The following GSTCD variants were observed in gnomAD, a reference collection of about 807,000 sequenced individuals.
GSTCD encodes the protein glutathione S-transferase C-terminal domain containing, also known as glutathione S-transferase C-terminal domain-containing protein.
In GSTCD, 44 loss-of-function variants were observed where a neutral mutation model predicts 68.3. That is an observed-to-expected ratio of 0.64 (90% CI 0.51 to 0.83). The LOEUF (loss-of-function observed/expected upper bound fraction) is 0.83, where lower values mean the gene tolerates loss of function less well. Ranked by LOEUF, GSTCD falls within the 40% of genes least tolerant of loss-of-function variation. GSTCD has a pLI of 0.00. For synonymous variants in GSTCD, 273 were observed against 255.2 expected (o/e 1.07, Z -0.67); for missense variants, 739 against 735.9 (o/e 1.00, Z -0.05).
intron 5 of GSTCD, among the ~76,000 whole-genome samples, chr4:105,732,198 G>A (rs1733269877): frequency 1.3e-5 from 2 of 152,186 alleles, no homozygotes. Flanking sequence ...GGATGATGCT[G>A]GCCTCATAAA....
intron 5 of GSTCD, among the ~76,000 whole-genome samples, chr4:105,794,731 A>G (rs1048746672): frequency 6.6e-6 from 1 of 151,880 alleles, no homozygotes; most frequent in African/African-American, 2.4e-5. Context: ...TATGAAATAA[A>G]CTTACTGGAG....
chr4:105,716,215 A>G (rs1047955104), intron 1 of GSTCD, among the ~76,000 whole-genome samples: 1 of 152,232 alleles, frequency 6.6e-6, no homozygotes, highest in Non-Finnish European at 1.5e-5. Flanking sequence ...GCTAGGAAGA[A>G]AAAACATAGA....
At chr4:105,785,241 A>T (rs1437621499) in intron 5 of GSTCD, among the ~76,000 whole-genome samples, 1 of 152,226 alleles carries the variant, frequency 6.6e-6, no homozygotes, top group Non-Finnish European at 1.5e-5. Context: ...CATTTTTAAA[A>T]CAAACTAATA....
At chr4:105,740,197 A>G (rs1733588062) in intron 5 of GSTCD, among the ~76,000 whole-genome samples, 1 of 151,996 alleles carries the variant, frequency 6.6e-6, no homozygotes, top group Non-Finnish European at 1.5e-5. Context: ...TCTCTGTGGG[A>G]TGACAGCTAT....
At chr4:105,783,360 A>G in intron 5 of GSTCD, among the ~76,000 whole-genome samples, 1 of 152,194 alleles carries the variant, frequency 6.6e-6, no homozygotes, top group East Asian at 1.9e-4. Flanking sequence ...TTCTGAAACT[A>G]AACTTCCTGA....
intron 11 of GSTCD, 75 bp downstream of exon 11, chr4:105,842,209 T>C: frequency 1.7e-6 from 2 of 1,193,784 alleles, no homozygotes; most frequent in Non-Finnish European, 2.5e-6. Context: ...CAAGTCTATA[T>C]GGGAAAAATT....
At chr4:105,833,342 A>G (rs1723978070) in intron 8 of GSTCD, among the ~76,000 whole-genome samples, 1 of 152,084 alleles carries the variant, frequency 6.6e-6, no homozygotes, top group South Asian at 2.1e-4. Flanking sequence ...CACATGCTGT[A>G]ATCCCAGCTA....
chr4:105,744,817 G>A (rs1001424985), intron 5 of GSTCD, among the ~76,000 whole-genome samples: 1 of 152,176 alleles, frequency 6.6e-6, no homozygotes. Context: ...AGAGCAGTAA[G>A]TATGCTCATT....
intron 5 of GSTCD, among the ~76,000 whole-genome samples, chr4:105,730,686 G>C (rs1733205841): frequency 6.6e-6 from 1 of 152,130 alleles, no homozygotes; most frequent in Admixed American, 6.5e-5. Flanking sequence ...CTCCCATTCT[G>C]TAGGTTGCCT....
At chr4:105,752,805 A>C (rs900153311) in intron 5 of GSTCD, among the ~76,000 whole-genome samples, 7 of 152,206 alleles carry the variant, frequency 4.6e-5, no homozygotes, top group African/African-American at 1.7e-4. Flanking sequence ...TTAAGTATTA[A>C]TATGTTTCAG....
At chr4:105,816,639 G>A (rs2553458) in intron 5 of GSTCD, among the ~76,000 whole-genome samples, 92,724 of 151,948 alleles carry the variant, frequency 0.61, 33,857 homozygotes, top group East Asian at 0.9. Flanking sequence ...AATTACTAGG[G>A]AATCACTCAT....
intron 5 of GSTCD, among the ~76,000 whole-genome samples, chr4:105,756,597 TATATA>T (rs1247582444): frequency 1.5e-4 from 22 of 150,490 alleles, no homozygotes; most frequent in African/African-American, 4.6e-4. Context: ...TATATATATA[TATATA>T]ATATGTCTTA....
At chr4:105,733,215 G>A (rs924925990) in intron 5 of GSTCD, among the ~76,000 whole-genome samples, 10 of 152,034 alleles carry the variant, frequency 6.6e-5, no homozygotes, top group Non-Finnish European at 1.5e-4. Context: ...TGCTTGGTGT[G>A]GAGCTGAGTT....
At chr4:105,711,905 T>C (rs1732550770) in intron 1 of GSTCD, among the ~76,000 whole-genome samples, 1 of 152,240 alleles carries the variant, frequency 6.6e-6, no homozygotes, top group Non-Finnish European at 1.5e-5. Flanking sequence ...TTGCTTTATT[T>C]ATGAGTTTGG....
intron 5 of GSTCD, among the ~76,000 whole-genome samples, chr4:105,748,233 C>G (rs572336838): frequency 7.9e-5 from 12 of 151,432 alleles, no homozygotes; most frequent in African/African-American, 2.9e-4. Flanking sequence ...CTAGCCTGGG[C>G]GACAGAGTGA....
chr4:105,726,776 G>C lies in GSTCD; in HGVS notation c.1092G>C (p.Glu364Asp). ...TATGTGAAGTCCCAGGTGTAGAAGA[G>C]CAAAGCGATCCTTTATTTATAGGAG... ...PNLCEVPGVE[E>D]QSDPLFIGGP... Residue 364 changes from glutamate (E) to aspartate (D), a missense_variant, in exon 4 of 12, where the codon GAG becomes GAC. Physicochemically the swap from Glu to Asp is conservative, Grantham distance 45. Transcript: ENST00000515279. The C allele has an allele frequency of 6.2e-7, 1 of 1,613,642 alleles. No homozygotes were observed. Among genetic ancestry groups the C allele is most frequent in the African/African-American group, 1.3e-5 (1 of 74,994 alleles).
Position 105,719,158 on chromosome 4 carries a change from A to G in GSTCD, c.525A>G (p.Glu175=), listed in dbSNP as rs1732775727. 3 of 1,614,146 alleles carry G rather than the reference A, an allele frequency of 1.9e-6. No individual in the cohort carries two copies. In the East Asian group the frequency reaches 6.7e-5, roughly 36 times the overall value. ...SSDQPPTIPV[E]ILQLEKKLSE... is the part of the protein sequence containing the mutation. The stretch of plus-strand genomic sequence containing the variant: ...ACCAGCCCCCAACTATACCTGTAGA[A>G]ATACTACAGCTAGAGAAAAAGCTTA... Residue 175 remains glutamate, a synonymous_variant, in exon 3 of 12, where the codon GAA becomes GAG. Transcript: ENST00000515279.
chr4:105,766,106 C>A (rs183627406), intron 5 of GSTCD, among the ~76,000 whole-genome samples: 1 of 152,008 alleles, frequency 6.6e-6, no homozygotes, highest in African/African-American at 2.4e-5. Flanking sequence ...TAATTTAATA[C>A]GGGATATTAA....
At chr4:105,732,288 C>G (rs934774457) in intron 5 of GSTCD, among the ~76,000 whole-genome samples, 1 of 152,162 alleles carries the variant, frequency 6.6e-6, no homozygotes, top group African/African-American at 2.4e-5. Context: ...CCTTGTACCT[C>G]TGGTAGAATT....
Sources: allele counts gnomAD v4.1 joint callset (sites outside exome capture counted in the v4.1 genomes callset), GRCh38; gene constraint gnomAD v4.1.1; transcripts MANE v1.5; gene names NCBI Gene and HGNC (gene_info 2026-07-23, HGNC 2026-07-21).